PKNOX2: variants seen among roughly 807,000 people sequenced by gnomAD.
The protein encoded by PKNOX2 is PBX/knotted 1 homeobox 2.
A neutral mutation model predicts 53.1 loss-of-function variants in PKNOX2; 14 were observed. The observed-to-expected ratio is 0.26, with a 90% CI of 0.17 to 0.41. The LOEUF (loss-of-function observed/expected upper bound fraction) is 0.41, where lower values mean the gene tolerates loss of function less well. Ranked by LOEUF, PKNOX2 falls within the 10% of genes least tolerant of loss-of-function variation. PKNOX2 has a pLI of 1.00. For missense variants in PKNOX2, 496 were observed against 602.8 expected (o/e 0.82, Z 1.85); for synonymous variants, 257 against 242.8 (o/e 1.06, Z -0.54).
chr11:125,426,383 T>G (rs183829851), intron 10 of PKNOX2, among the ~76,000 whole-genome samples: 1 of 152,364 alleles, frequency 6.6e-6, no homozygotes, highest in East Asian at 1.9e-4. Context: ...TCCTCCTTTT[T>G]TTCTTCCCAT....
chr11:125,342,828 G>T (rs57110110), intron 3 of PKNOX2, among the ~76,000 whole-genome samples: 6 of 151,418 alleles, frequency 4.0e-5, no homozygotes, highest in African/African-American at 1.5e-4. Flanking sequence ...AGCCACCACC[G>T]TGGAGGAGCT....
chr11:125,431,055 A>G, intron 12 of PKNOX2, 111 bp from the exon 13 acceptor site: 3 of 1,467,774 alleles, frequency 2.0e-6, no homozygotes, highest in Admixed American at 4.6e-5. Context: ...CAGCTCTAAA[A>G]ACAAGGAGTT....
intron 2 of PKNOX2, among the ~76,000 whole-genome samples, chr11:125,329,190 G>T (rs889710728): frequency 1.3e-5 from 2 of 152,152 alleles, no homozygotes; most frequent in African/African-American, 4.8e-5. Flanking sequence ...CCTCCTACAT[G>T]AAAAGGTGTT....
intron 2 of PKNOX2, among the ~76,000 whole-genome samples, chr11:125,248,973 C>T (rs1297052096): frequency 7.8e-6 from 1 of 128,450 alleles, no homozygotes; most frequent in Non-Finnish European, 1.6e-5. Context: ...TACATATATA[C>T]ATATAATATA....
At chr11:125,420,945 A>G (rs1328940621) in intron 10 of PKNOX2, among the ~76,000 whole-genome samples, 5 of 152,196 alleles carry the variant, frequency 3.3e-5, no homozygotes, top group South Asian at 2.1e-4. Context: ...TCCTTCCTGA[A>G]GCCCATGGAC....
chr11:125,340,648 A>C (rs1950634922), intron 3 of PKNOX2, among the ~76,000 whole-genome samples: 1 of 152,140 alleles, frequency 6.6e-6, no homozygotes, highest in Non-Finnish European at 1.5e-5. Flanking sequence ...TTATCATCTC[A>C]CCCACATCCA....
intron 2 of PKNOX2, among the ~76,000 whole-genome samples, chr11:125,291,270 C>G (rs985302418): frequency 2.6e-5 from 4 of 152,194 alleles, no homozygotes; most frequent in Non-Finnish European, 5.9e-5. Context: ...CGGTCCTTCT[C>G]CCAGCAGCTG....
intron 6 of PKNOX2, 25 bp downstream of exon 6, chr11:125,385,747 T>C: frequency 6.2e-7 from 1 of 1,605,994 alleles, no homozygotes; most frequent in Non-Finnish European, 8.5e-7. Flanking sequence ...CCCTCTACCC[T>C]GGCTAGAGTC....
At chr11:125,329,093 TA>T (rs1318945294) in intron 2 of PKNOX2, among the ~76,000 whole-genome samples, 2 of 152,196 alleles carry the variant, frequency 1.3e-5, no homozygotes, top group Non-Finnish European at 2.9e-5. Flanking sequence ...GGAAATAATC[TA>T]AACAACAAAT....
intron 6 of PKNOX2, among the ~76,000 whole-genome samples, chr11:125,393,190 T>C (rs1954182814): frequency 6.7e-6 from 1 of 150,110 alleles, no homozygotes; most frequent in Non-Finnish European, 1.5e-5. Flanking sequence ...GAAGAGAAAG[T>C]TAATTGAACA....
chr11:125,430,263 CCA>C, intron 12 of PKNOX2, 122 bp downstream of exon 12: 3 of 1,176,002 alleles, frequency 2.6e-6, no homozygotes, highest in Non-Finnish European at 3.5e-6. Context: ...CGCTGCCATG[CCA>C]CAGTGATTAT....
chr11:125,333,549 T>TACACACACACACACACACAC (rs57352759), intron 3 of PKNOX2, among the ~76,000 whole-genome samples: 26 of 142,324 alleles, frequency 1.8e-4, no homozygotes, highest in African/African-American at 6.0e-4. Context: ...CACACACACA[T>TACACACACACACACACACAC]ACACACACAC....
At chr11:125,315,303 G>GAAAAAAAAAAAA (rs534448203) in intron 2 of PKNOX2, among the ~76,000 whole-genome samples, 1 of 79,456 alleles carries the variant, frequency 1.3e-5, no homozygotes, top group Non-Finnish European at 2.7e-5. Context: ...TGTGAAGCAG[G>GAAAAAAAAAAAA]AAAAAAAAAA....
At chr11:125,410,706 A>C in intron 8 of PKNOX2, 73 bp from the exon 9 acceptor site, 1 of 1,180,514 alleles carries the variant, frequency 8.5e-7, no homozygotes, top group Non-Finnish European at 1.3e-6. Flanking sequence ...TGCCAAATGA[A>C]CTGGGAACCC....
intron 6 of PKNOX2, among the ~76,000 whole-genome samples, chr11:125,389,169 T>C (rs1222985032): frequency 6.6e-6 from 1 of 151,896 alleles, no homozygotes; most frequent in Non-Finnish European, 1.5e-5. Context: ...CACTCCAGCC[T>C]GGGCAGCAAA....
chr11:125,418,842 C>T (rs1051998238), intron 10 of PKNOX2, among the ~76,000 whole-genome samples: 1 of 152,018 alleles, frequency 6.6e-6, no homozygotes, highest in East Asian at 1.9e-4. Flanking sequence ...CCCTAAACAA[C>T]ACAGTATAAT....
At chr11:125,308,013 G>A (rs935484469) in intron 2 of PKNOX2, among the ~76,000 whole-genome samples, 4 of 152,202 alleles carry the variant, frequency 2.6e-5, no homozygotes, top group Admixed American at 2.6e-4. Flanking sequence ...GGGGAGAGGA[G>A]GGAAAACATT....
rs61917780 is a variant in PKNOX2 at position 125,343,984 on chromosome 11, G to A, written c.-22-7300G>A. Among the ~76,000 whole-genome samples the A allele has an allele frequency of 2.7e-3, 418 of 152,316 alleles. 3 individuals carry two copies. Among genetic ancestry groups the A allele is most frequent in the Middle Eastern group, 0.014 (4 of 294 alleles). ...GGCTCCTCTCTGGGAAACCTGGTCGGGCTGGAGTTCAAGGAAGGCAAGTCC... is the reference window on the plus strand; with the variant it reads ...GGCTCCTCTCTGGGAAACCTGGTCGAGCTGGAGTTCAAGGAAGGCAAGTCC... On this transcript the variant is annotated intron_variant, in intron 3 of 12. Transcript: ENST00000298282.
chr11:125,188,350 G>T (rs1477031465), intron 1 of PKNOX2, among the ~76,000 whole-genome samples: 2 of 152,228 alleles, frequency 1.3e-5, no homozygotes, highest in African/African-American at 2.4e-5. Flanking sequence ...AGCCTGTTCT[G>T]ATAGATCATG....
Sources: allele counts gnomAD v4.1 joint callset (sites outside exome capture counted in the v4.1 genomes callset), GRCh38; gene constraint gnomAD v4.1.1; transcripts MANE v1.5; gene names NCBI Gene and HGNC (gene_info 2026-07-23, HGNC 2026-07-21).